SDK1: variants seen among roughly 807,000 people sequenced by gnomAD.
SDK1 encodes protein sidekick-1.
SDK1 carries 157 observed loss-of-function variants against 245.5 expected under a neutral mutation model. That is an observed-to-expected ratio of 0.64 (90% CI 0.56 to 0.73). The LOEUF (loss-of-function observed/expected upper bound fraction) is 0.73. Ranked by LOEUF, SDK1 falls within the 30% of genes least tolerant of loss-of-function variation. The pLI, the probability that SDK1 is intolerant of heterozygous loss-of-function variation, is 0.00. For synonymous variants in SDK1, 1,647 were observed against 1,278.5 expected (o/e 1.29, Z -6.15); for missense variants, 3,583 against 3,002.3 (o/e 1.19, Z -4.52).
At chr7:3,991,067 C>A (rs1004190148) in intron 14 of SDK1, among the ~76,000 whole-genome samples, 1 of 152,236 alleles carries the variant, frequency 6.6e-6, no homozygotes, top group Admixed American at 6.5e-5. Context: ...TCAGAGGCAT[C>A]GATGCAGCCT....
intron 5 of SDK1, among the ~76,000 whole-genome samples, chr7:3,850,870 A>C (rs11773667): frequency 9.8e-6 from 1 of 101,736 alleles, no homozygotes; most frequent in Non-Finnish European, 2.0e-5. Flanking sequence ...GGGTAGGGGG[A>C]GGGGGGAGGG....
intron 1 of SDK1, among the ~76,000 whole-genome samples, chr7:3,573,208 C>A (rs964932392): frequency 5.9e-5 from 9 of 152,044 alleles, no homozygotes; most frequent in Non-Finnish European, 1.2e-4. Flanking sequence ...AGAGTGGAGA[C>A]TGTGCTGGGA....
chr7:3,679,269 G>A (rs755189928), intron 4 of SDK1, among the ~76,000 whole-genome samples: 7 of 152,106 alleles, frequency 4.6e-5, no homozygotes, highest in Non-Finnish European at 8.8e-5. Flanking sequence ...ATTCCTATTA[G>A]AAAATGGGCA....
intron 1 of SDK1, among the ~76,000 whole-genome samples, chr7:3,356,259 G>T (rs1339869400): frequency 6.6e-6 from 1 of 152,036 alleles, no homozygotes; most frequent in Non-Finnish European, 1.5e-5. Context: ...TTTTTGGGGG[G>T]TGGGGGTTGG....
intron 1 of SDK1, among the ~76,000 whole-genome samples, chr7:3,505,592 T>G (rs1454480726): frequency 2.6e-5 from 4 of 152,220 alleles, no homozygotes; most frequent in Admixed American, 2.6e-4. Context: ...AAATATAGTA[T>G]GCTTAAAATA....
intron 4 of SDK1, among the ~76,000 whole-genome samples, chr7:3,717,455 T>C (rs533943764): frequency 6.6e-6 from 1 of 151,906 alleles, no homozygotes; most frequent in Non-Finnish European, 1.5e-5. Flanking sequence ...GAGAGGAAAA[T>C]TTATAGCATT....
intron 5 of SDK1, among the ~76,000 whole-genome samples, chr7:3,939,651 C>T (rs1343057986): frequency 6.6e-6 from 1 of 152,128 alleles, no homozygotes; most frequent in Non-Finnish European, 1.5e-5. Flanking sequence ...AATAATGTAT[C>T]TGGGTTCTTG....
At chr7:4,254,353 T>A (rs1787502702) in intron 44 of SDK1, among the ~76,000 whole-genome samples, 1 of 152,314 alleles carries the variant, frequency 6.6e-6, no homozygotes. Flanking sequence ...TATCAATCTA[T>A]CTTTAAGTGA....
intron 4 of SDK1, among the ~76,000 whole-genome samples, chr7:3,733,038 C>T (rs1779224365): frequency 6.6e-6 from 1 of 152,132 alleles, no homozygotes; most frequent in Non-Finnish European, 1.5e-5. Context: ...CAAGTGACTT[C>T]ATCCCTGGGA....
At chr7:3,323,152 A>G (rs570620990) in intron 1 of SDK1, among the ~76,000 whole-genome samples, 1 of 152,130 alleles carries the variant, frequency 6.6e-6, no homozygotes, top group African/African-American at 2.4e-5. Context: ...GCTGTCTCCT[A>G]GCCCCCTTCC....
At chr7:3,888,357 A>G (rs2128101063) in intron 5 of SDK1, among the ~76,000 whole-genome samples, 1 of 152,318 alleles carries the variant, frequency 6.6e-6, no homozygotes, top group South Asian at 2.1e-4. Flanking sequence ...ATCGGGGTGG[A>G]ACCAGAAATG....
intron 12 of SDK1, among the ~76,000 whole-genome samples, 168 bp from the exon 13 acceptor site, chr7:3,974,198 AAAG>A (rs1439273784): frequency 1.9e-4 from 29 of 151,530 alleles, no homozygotes; most frequent in Admixed American, 1.1e-3. Context: ...AAAAAAAAAA[AAAG>A]AAAGAAAGAA....
At chr7:4,264,915 C>T (rs1562495433) in intron 44 of SDK1, among the ~76,000 whole-genome samples, 3 of 151,564 alleles carry the variant, frequency 2.0e-5, no homozygotes, top group African/African-American at 4.9e-5. Flanking sequence ...CAGTGTCGGT[C>T]ACACCTGGAT....
intron 5 of SDK1, among the ~76,000 whole-genome samples, chr7:3,869,194 C>T (rs895092061): frequency 5.2e-5 from 7 of 134,564 alleles, no homozygotes; most frequent in African/African-American, 2.0e-4. Context: ...CTCACTCTGT[C>T]GCCCAGGCTG....
intron 1 of SDK1, among the ~76,000 whole-genome samples, chr7:3,430,274 A>C (rs1210607028): frequency 6.6e-6 from 1 of 152,216 alleles, no homozygotes; most frequent in Admixed American, 6.5e-5. Context: ...TGACCATATC[A>C]ATGTTCTTAA....
At chr7:3,721,649 A>G (rs896477380) in intron 4 of SDK1, among the ~76,000 whole-genome samples, 1 of 152,020 alleles carries the variant, frequency 6.6e-6, no homozygotes, top group South Asian at 2.1e-4. Flanking sequence ...GGTGTTTCCA[A>G]AGGAGGGTAG....
intron 1 of SDK1, among the ~76,000 whole-genome samples, chr7:3,600,750 G>T (rs1156590287): frequency 6.6e-6 from 1 of 151,880 alleles, no homozygotes; most frequent in Non-Finnish European, 1.5e-5. Context: ...GGGTTTCACC[G>T]TGTTAGCCAG....
chr7:3,953,601 C>T (rs1016114149), intron 7 of SDK1, among the ~76,000 whole-genome samples: 3 of 152,122 alleles, frequency 2.0e-5, no homozygotes, highest in Non-Finnish European at 2.9e-5. Flanking sequence ...AGGACTATAC[C>T]GTGTTCAAAC....
chr7:3,549,700 T>C (rs1420888797), intron 1 of SDK1, among the ~76,000 whole-genome samples: 1 of 152,138 alleles, frequency 6.6e-6, no homozygotes. Flanking sequence ...ATCACAGAAA[T>C]TGTTGAAGTT....
Sources: gnomAD v4.1 joint callset for allele counts (sites outside exome capture counted in the v4.1 genomes callset) on GRCh38, gnomAD v4.1.1 for gene constraint, MANE v1.5 for transcripts, NCBI Gene and HGNC (gene_info 2026-07-23, HGNC 2026-07-21) for gene names.